Variants in SCNN1A observed in about 807,000 individuals in gnomAD.
The protein encoded by SCNN1A is sodium channel epithelial 1 subunit alpha.
In SCNN1A, 65 loss-of-function variants were observed where a neutral mutation model predicts 68.6. The ratio of observed to expected loss-of-function variants is 0.95; its 90% confidence interval spans 0.78 to 1.16. SCNN1A has a LOEUF of 1.16. Among genes scored for constraint, SCNN1A ranks in the 50% most tolerant of loss-of-function variants. The pLI is 0.00. For synonymous variants in SCNN1A, 357 were observed against 353.3 expected (o/e 1.01, Z -0.12); for missense variants, 880 against 865.9 (o/e 1.02, Z -0.20).
At chr12:6,373,316 G>C (rs1393958774) in intron 2 of SCNN1A, among the ~76,000 whole-genome samples, 1 of 152,028 alleles carries the variant, frequency 6.6e-6, no homozygotes, top group Non-Finnish European at 1.5e-5. Flanking sequence ...TAAAGATTTT[G>C]CACTCCTTGA....
rs576456435 is a variant in SCNN1A at position 6,369,575 on chromosome 12, A to G, written c.416+4793T>C. Among the ~76,000 whole-genome samples the G allele has an allele frequency of 1.8e-3, 272 of 152,166 alleles. 4 individuals are homozygous for G. The highest frequency in any genetic ancestry group is 6.1e-3 in the African/African-American group (252 of 41,522). On this transcript the variant is annotated intron_variant, in intron 2 of 12. Coordinates refer to ENST00000228916, the MANE Select transcript of SCNN1A (RefSeq NM_001038.6). ...TGGCCGGGCGCGGTGGCTCACGCCT[A>G]TAATCCCAGCACTTTGGGAGGCCGA...
chr12:6,348,780 T>C lies in SCNN1A; in HGVS notation c.1576A>G (p.Ile526Val), dbSNP rs1948313626. ...NKRNGVAKVN[I>V]FFKELNYKTN... ...TTGTAGTTCAGCTCCTTGAAGAAGA[T>C]GTTGACTTTGGCCACTCCATTTCTT... The change falls in exon 12 of 13, where the codon ATC (isoleucine) becomes GTC (valine). Residue 526 changes from isoleucine (I) to valine (V), a missense_variant. Coordinates refer to ENST00000228916, the MANE Select transcript of SCNN1A (RefSeq NM_001038.6). 7 of 1,613,580 alleles carry C rather than the reference T, an allele frequency of 4.3e-6. No homozygotes were observed. In the Admixed American group the frequency reaches 8.3e-5, roughly 19 times the overall value.
intron 2 of SCNN1A, among the ~76,000 whole-genome samples, chr12:6,371,948 C>A (rs1236995163): frequency 1.3e-5 from 2 of 152,122 alleles, no homozygotes; most frequent in Non-Finnish European, 2.9e-5. Context: ...AGGCGTGCGC[C>A]ACCACACCTG....
In SCNN1A at chr12:6,360,921, C is replaced by T. The variant is rs556163731; in HGVS notation, c.875+1130G>A. Among the ~76,000 whole-genome samples the T allele has an allele frequency of 1.8e-4, 27 of 152,278 alleles. No homozygotes were observed. The South Asian group carries it at 2.1e-3, about 12-fold the overall frequency. On this transcript the variant is annotated intron_variant, in intron 4 of 12. Coordinates refer to ENST00000228916, the MANE Select transcript of SCNN1A (RefSeq NM_001038.6). ...GGTGGGAAGAATCCTTAGCCAGGGC[C>T]GGCCCATTCCCAAGGGCAAGTCACT... is the stretch of plus-strand genomic sequence containing the variant.
intron 8 of SCNN1A, 149 bp downstream of exon 8, chr12:6,354,289 A>G (rs1410180561): frequency 1.4e-6 from 1 of 702,316 alleles, no homozygotes. Flanking sequence ...AGAGGCAGAG[A>G]CTAAAGGCTG....
chr12:6,366,442 T>A (rs759935677), intron 2 of SCNN1A, among the ~76,000 whole-genome samples: 3 of 152,168 alleles, frequency 2.0e-5, no homozygotes, highest in Admixed American at 6.5e-5. Context: ...AATGTAGGGA[T>A]TTACAGTGAG....
chr12:6,357,091 T>C (rs1379746468), intron 4 of SCNN1A, among the ~76,000 whole-genome samples: 1 of 152,158 alleles, frequency 6.6e-6, no homozygotes, highest in African/African-American at 2.4e-5. Context: ...TCAGCACTTC[T>C]AGAGCCCAGG....
chr12:6,373,493 C>T (rs1231184582), intron 2 of SCNN1A, among the ~76,000 whole-genome samples: 1 of 152,188 alleles, frequency 6.6e-6, no homozygotes, highest in Non-Finnish European at 1.5e-5. Flanking sequence ...TTGCCAGGTG[C>T]CTAGCCCTGT....
chr12:6,355,886 C>T lies in SCNN1A; in HGVS notation c.876-6G>A, dbSNP rs1948488720. On this transcript the variant is annotated splice_region_variant and splice_polypyrimidine_tract_variant and intron_variant, in intron 4 of 12. Coordinates refer to ENST00000228916, the MANE Select transcript of SCNN1A (RefSeq NM_001038.6). ...GGTGGAAGTGAGAGTAATTCCTTAT[C>T]AGGAAAGAGAGAGTAGGGTCAGAGA... 1 of 1,565,212 alleles carries T rather than the reference C, an allele frequency of 6.4e-7. No individual in the cohort carries two copies. Among genetic ancestry groups the T allele is most frequent in the African/African-American group, 1.4e-5 (1 of 73,894 alleles).
chr12:6,353,745 T>G (rs191166334), intron 8 of SCNN1A: 9 of 110,336 alleles, frequency 8.2e-5, no homozygotes, highest in African/African-American at 1.5e-4. Flanking sequence ...GCCCGCCACC[T>G]CGCCCGGCTA....
chr12:6,350,428 C>T (rs1199354737), intron 8 of SCNN1A, among the ~76,000 whole-genome samples: 2 of 140,214 alleles, frequency 1.4e-5, no homozygotes, highest in African/African-American at 2.7e-5. Flanking sequence ...AGCGAGACTC[C>T]GTCTCAAAAA....
chr12:6,360,694 C>T (rs531576613), intron 4 of SCNN1A, among the ~76,000 whole-genome samples: 4 of 152,304 alleles, frequency 2.6e-5, no homozygotes, highest in Admixed American at 1.3e-4. Context: ...TAGAGTGGAG[C>T]CAGGCAGAGG....
chr12:6,347,975 G>C lies in SCNN1A; in HGVS notation c.1908C>G (p.Ala636=). The stretch of plus-strand genomic sequence containing the variant: ...CATAGGCAGGGGGAGGGGCTGTCAA[G>C]GCTGGAGAGGGAGCAGGGCCTGGCT... ...LSQPGPAPSP[A]LTAPPPAYAT... The change falls in exon 13 of 13, where the codon GCC becomes GCG. Residue 636 remains alanine, a synonymous_variant. Coordinates refer to ENST00000228916, the MANE Select transcript of SCNN1A (RefSeq NM_001038.6). 6.4e-7 allele frequency: 1 copy of C among 1,567,430 alleles called. No homozygotes were observed. Among genetic ancestry groups the C allele is most frequent in the Non-Finnish European group, 8.7e-7 (1 of 1,152,638 alleles).
At chr12:6,363,376 C>CCCATGGGT (rs1265744051) in intron 3 of SCNN1A, 67 bp downstream of exon 3, 11 of 1,401,030 alleles carry the variant, frequency 7.9e-6, no homozygotes, top group Middle Eastern at 2.6e-4. Context: ...AGGAGCGGAG[C>CCCATGGGT]CCATGGGTGG....
chr12:6,347,816 C>A lies in SCNN1A; in HGVS notation c.*57G>T. ...GCACATCCTTCAATCTTGCCAGGGC[C>A]AGCACCCTCCCACCAGAGGAGCATC... On this transcript the variant is annotated 3_prime_UTR_variant, in exon 13 of 13. Coordinates refer to ENST00000228916, the MANE Select transcript of SCNN1A (RefSeq NM_001038.6). The A allele has an allele frequency of 6.8e-7, 1 of 1,473,024 alleles. No individual in the cohort carries two copies. Among genetic ancestry groups the A allele is most frequent in the Admixed American group, 1.8e-5 (1 of 55,800 alleles). 91.2% of individuals were successfully genotyped at this position (1,473,024 alleles called of 1,614,324 possible). A position where few individuals can be genotyped will look rare whatever the true frequency, so the allele number is the denominator to read the frequency against.
chr12:6,354,667 C>T, intron 7 of SCNN1A, 83 bp downstream of exon 7: 1 of 1,431,932 alleles, frequency 7.0e-7, no homozygotes, highest in African/African-American at 1.4e-5. Context: ...CTCTCTCTCT[C>T]ACATACACAA....
intron 4 of SCNN1A, among the ~76,000 whole-genome samples, chr12:6,357,127 G>A (rs1283538688): frequency 2.6e-5 from 4 of 152,208 alleles, no homozygotes; most frequent in African/African-American, 7.2e-5. Flanking sequence ...GACTGAAGGA[G>A]AGGCTACAGA....
intron 4 of SCNN1A, among the ~76,000 whole-genome samples, chr12:6,361,230 A>T (rs1385004505): frequency 6.6e-6 from 1 of 152,186 alleles, no homozygotes; most frequent in East Asian, 1.9e-4. Context: ...TCCATTTTAC[A>T]ATCTAAGAAA....
At position 6,354,777 on chromosome 12, in the gene SCNN1A, G is replaced by A. The variant is rs765219923; in HGVS notation, c.1215C>T (p.Asn405=). The A allele has an allele frequency of 1.1e-5, 17 of 1,613,800 alleles. No individual in the cohort carries two copies. Among genetic ancestry groups the A allele is most frequent in the Non-Finnish European group, 1.4e-5 (17 of 1,179,944 alleles). The change falls in exon 7 of 13, where the codon AAC becomes AAT. Residue 405 remains asparagine, a synonymous_variant. Transcript: ENST00000228916. ...GCTGTGTGTACTTTGAAGGGTAAAGGTTCTCAACAGGAACATCACTGCCAT... is the reference window on the plus strand; with the variant it reads ...GCTGTGTGTACTTTGAAGGGTAAAGATTCTCAACAGGAACATCACTGCCAT... The part of the protein sequence containing the change: ...TKNGSDVPVE[N]LYPSKYTQQV...
Sources: gnomAD v4.1 joint callset for allele counts (sites outside exome capture counted in the v4.1 genomes callset) on GRCh38, gnomAD v4.1.1 for gene constraint, MANE v1.5 for transcripts, NCBI Gene and HGNC (gene_info 2026-07-23, HGNC 2026-07-21) for gene names.